Variants in CLCA4 observed in about 807,000 individuals in gnomAD.
CLCA4 encodes calcium-activated chloride channel regulator 4.
CLCA4 carries 69 observed loss-of-function variants against 78.9 expected under a neutral mutation model. That is an observed-to-expected ratio of 0.87 (90% CI 0.72 to 1.07). The LOEUF is 1.07. CLCA4 is among the 50% of genes least tolerant of loss of function. The pLI is 0.00. For missense variants in CLCA4, 1,133 were observed against 1,095.8 expected, an observed-to-expected ratio of 1.03 and a Z score of -0.48; for synonymous variants, 362 against 375.8, an observed-to-expected ratio of 0.96 and a Z score of 0.42.
rs1650459304 is a variant in CLCA4, at chr1:86,574,762, A to G, written c.1683+7A>G. ...TATTCCAGGAACTGCAAAGGTAAGC[A>G]ATCAGCTTTTAGACTTCCTGTCAAC... On this transcript the variant is annotated splice_region_variant and intron_variant, in intron 10 of 13. Transcript: ENST00000370563. 2 of 1,602,010 alleles carry G rather than the reference A, an allele frequency of 1.2e-6. No individual in the cohort carries two copies. Among genetic ancestry groups the G allele is most frequent in the South Asian group, 1.1e-5 (1 of 90,782 alleles).
chr1:86,577,192 C>T (rs1313940786), intron 11 of CLCA4, among the ~76,000 whole-genome samples: 1 of 152,042 alleles, frequency 6.6e-6, no homozygotes, highest in Non-Finnish European at 1.5e-5. Flanking sequence ...TTTCCCTTCT[C>T]AACATTTTGC....
At chr1:86,552,947 C>A in intron 1 of CLCA4, 2 of 639,660 alleles carry the variant, frequency 3.1e-6, no homozygotes, top group South Asian at 3.6e-5. Context: ...GGCGTCTGTG[C>A]TGAGGTGACT....
chr1:86,547,308 A>T (rs768482029), intron 1 of CLCA4, 30 bp downstream of exon 1: 1 of 1,511,048 alleles, frequency 6.6e-7, no homozygotes, highest in South Asian at 1.3e-5. Context: ...TCTTTCATTA[A>T]TTTTTAGTTT....
In CLCA4 at chr1:86,578,048, T is replaced by C. The variant is rs1316974218; in HGVS notation, c.2098T>C (p.Tyr700His). 1 of 1,612,250 alleles carries C rather than the reference T, an allele frequency of 6.2e-7. No individual in the cohort carries two copies. Among genetic ancestry groups the C allele is most frequent in the South Asian group, 1.1e-5 (1 of 90,892 alleles). The change falls in exon 12 of 14, where the codon TAC becomes CAC. Residue 700 changes from tyrosine (Y) to histidine (H), a missense_variant. Transcript: ENST00000370563. ...ACGGCCTCCACTGAATAGAGCCGCG[T>C]ACATACCAGGCTGGGTAGTGAACGG... ...KLRPPLNRAA[Y>H]IPGWVVNGEI...
intron 1 of CLCA4, among the ~76,000 whole-genome samples, chr1:86,555,325 T>C (rs1257426431): frequency 2.6e-5 from 4 of 152,220 alleles, no homozygotes; most frequent in Non-Finnish European, 5.9e-5. Flanking sequence ...AGGGTTTTTA[T>C]AGTTTTCAGT....
At chr1:86,571,042 T>A in intron 7 of CLCA4, 35 bp from the exon 8 acceptor site, 2 of 1,510,932 alleles carry the variant, frequency 1.3e-6, no homozygotes, top group Non-Finnish European at 1.8e-6. Context: ...TCTAGGAACA[T>A]CTGTTGGTAA....
intron 8 of CLCA4, among the ~76,000 whole-genome samples, chr1:86,571,582 G>T (rs941433073): frequency 3.3e-5 from 5 of 152,014 alleles, no homozygotes; most frequent in African/African-American, 1.2e-4. Context: ...TTCTGAGCTG[G>T]GCTTTGAACA....
intron 1 of CLCA4, among the ~76,000 whole-genome samples, chr1:86,550,308 C>A (rs1257730210): frequency 6.6e-6 from 1 of 152,122 alleles, no homozygotes; most frequent in Non-Finnish European, 1.5e-5. Flanking sequence ...ACAGTTAATG[C>A]AGCTAATTCT....
chr1:86,567,878 A>G (rs1267736246), intron 7 of CLCA4, among the ~76,000 whole-genome samples: 1 of 152,056 alleles, frequency 6.6e-6, no homozygotes, highest in East Asian at 1.9e-4. Flanking sequence ...ACTCACTTAC[A>G]AGCCCAAGGA....
intron 8 of CLCA4, 67 bp downstream of exon 8, chr1:86,571,321 A>T: frequency 6.9e-7 from 1 of 1,456,250 alleles, no homozygotes. Flanking sequence ...TGACAGTTCA[A>T]CAACGTCTCT....
Position 86,560,336 on chromosome 1 carries a change from A to C in CLCA4, c.426A>C (p.Lys142Asn). 1.9e-6 allele frequency: 3 copies of C among 1,613,814 alleles called. No homozygotes were observed. The highest frequency in any genetic ancestry group is 2.5e-6 in the Non-Finnish European group (3 of 1,179,870). Residue 142 changes from lysine to asparagine, a missense_variant, in exon 3 of 14, where the codon AAA (lysine) becomes AAC (asparagine). By Grantham distance (94) the Lys-to-Asn change is moderately conservative. Transcript: ENST00000370563. Reference protein sequence around the residue: ...HFTPDLLLGKKQNEYGPPGKL... With the variant: ...HFTPDLLLGKNQNEYGPPGKL... Reference sequence around the variant, plus strand: ...CCCCTGACCTTCTACTTGGAAAAAAACAAAATGAATATGGACCACCAGGTA... The same window carrying C: ...CCCCTGACCTTCTACTTGGAAAAAACCAAAATGAATATGGACCACCAGGTA...
chr1:86,571,771 G>T (rs1398134576), intron 8 of CLCA4, among the ~76,000 whole-genome samples: 2 of 151,996 alleles, frequency 1.3e-5, no homozygotes, highest in African/African-American at 2.4e-5. Flanking sequence ...AGACTGAAAA[G>T]ATCTAAATAA....
rs1268317146 is a variant in CLCA4, at chr1:86,579,500, C to G, written c.2269C>G (p.Gln757Glu). 1 of 1,613,248 alleles carries G rather than the reference C, an allele frequency of 6.2e-7. No individual in the cohort carries two copies. Among genetic ancestry groups the G allele is most frequent in the Non-Finnish European group, 8.5e-7 (1 of 1,179,474 alleles). The change falls in exon 13 of 14, where the codon CAA (glutamine) becomes GAA (glutamate). Residue 757 changes from glutamine to glutamate, a missense_variant. Coordinates refer to ENST00000370563, the MANE Select transcript of CLCA4 (RefSeq NM_012128.4). ...LPLPDQYPPS[Q>E]ITDLDATVHE... ...CTTGCCTGACCAATACCCACCAAGT[C>G]AAATCACAGACCTTGATGCCACAGT...
At chr1:86,569,808 A>G (rs1650295332) in intron 7 of CLCA4, among the ~76,000 whole-genome samples, 1 of 151,960 alleles carries the variant, frequency 6.6e-6, no homozygotes, top group African/African-American at 2.4e-5. Context: ...ATTGAACCCA[A>G]TTATTTATTA....
intron 1 of CLCA4, among the ~76,000 whole-genome samples, chr1:86,559,264 A>G (rs1012349243): frequency 4.6e-5 from 7 of 152,244 alleles, no homozygotes; most frequent in African/African-American, 1.7e-4. Context: ...ACAGTTCTGT[A>G]ATCAAAGTTT....
chr1:86,551,500 A>C (rs1382625757), intron 1 of CLCA4, among the ~76,000 whole-genome samples: 26 of 152,202 alleles, frequency 1.7e-4, no homozygotes, highest in Non-Finnish European at 3.8e-4. Context: ...AGGCACCTCC[A>C]GCTCACTCCC....
At chr1:86,570,446 T>C (rs1279033289) in intron 7 of CLCA4, among the ~76,000 whole-genome samples, 2 of 152,046 alleles carry the variant, frequency 1.3e-5, no homozygotes, top group South Asian at 2.1e-4. Context: ...AAGCTACAAA[T>C]TGAACTTAAT....
chr1:86,552,819 G>T, intron 1 of CLCA4: 2 of 960,830 alleles, frequency 2.1e-6, no homozygotes, highest in Non-Finnish European at 3.3e-6. Context: ...CTTCCATGTA[G>T]CGGGGGATTT....
At chr1:86,579,196 T>G (rs1276322569) in intron 12 of CLCA4, among the ~76,000 whole-genome samples, 158 bp from the exon 13 acceptor site, 1 of 152,082 alleles carries the variant, frequency 6.6e-6, no homozygotes. Flanking sequence ...GAAAGAATTC[T>G]CTCACCAGTT....
Sources: gnomAD v4.1 joint callset for allele counts (sites outside exome capture counted in the v4.1 genomes callset) on GRCh38, gnomAD v4.1.1 for gene constraint, MANE v1.5 for transcripts, NCBI Gene and HGNC (gene_info 2026-07-23, HGNC 2026-07-21) for gene names.